The following UNC5C variants were observed in gnomAD, a reference collection of about 807,000 sequenced individuals.
UNC5C encodes the protein unc-5 netrin receptor C, also known as netrin receptor UNC5C.
A neutral mutation model predicts 99.8 loss-of-function variants in UNC5C; 47 were observed. The ratio of observed to expected loss-of-function variants is 0.47; its 90% CI spans 0.37 to 0.60. The LOEUF (loss-of-function observed/expected upper bound fraction) is 0.60, where lower values mean the gene tolerates loss of function less well. Among genes scored for constraint, UNC5C ranks in the 20% least tolerant of loss-of-function variants. The pLI, the probability that UNC5C is intolerant of heterozygous loss-of-function variation, is 0.00. For synonymous variants in UNC5C, 487 were observed against 452.2 expected (o/e 1.08, Z -0.98); for missense variants, 1,062 against 1,165.9 (o/e 0.91, Z 1.30).
chr4:95,196,494 T>C (rs1223036243), intron 12 of UNC5C, among the ~76,000 whole-genome samples: 1 of 151,956 alleles, frequency 6.6e-6, no homozygotes, highest in Non-Finnish European at 1.5e-5. Context: ...CCTTGACTTT[T>C]GCTCTGGTAG....
chr4:95,238,395 G>A (rs915052941), intron 7 of UNC5C, among the ~76,000 whole-genome samples: 3 of 152,114 alleles, frequency 2.0e-5, no homozygotes, highest in Non-Finnish European at 4.4e-5. Flanking sequence ...AATCAAGGAA[G>A]TCTAATGTAA....
At chr4:95,505,781 CAGG>C (rs1320920024) in intron 1 of UNC5C, among the ~76,000 whole-genome samples, 2 of 151,914 alleles carry the variant, frequency 1.3e-5, no homozygotes, top group African/African-American at 4.8e-5. Context: ...TTTTTAAATA[CAGG>C]AGATGTTGAA....
At chr4:95,338,745 G>A (rs565683946) in intron 1 of UNC5C, among the ~76,000 whole-genome samples, 6 of 152,108 alleles carry the variant, frequency 3.9e-5, no homozygotes, top group Non-Finnish European at 7.4e-5. Flanking sequence ...TATACTAATG[G>A]CAACTTTGAT....
At chr4:95,285,268 GA>G (rs1741193347) in intron 3 of UNC5C, among the ~76,000 whole-genome samples, 1 of 152,074 alleles carries the variant, frequency 6.6e-6, no homozygotes, top group Non-Finnish European at 1.5e-5. Context: ...CTGATATTAT[GA>G]AGCAAGTAAT....
chr4:95,276,890 G>A (rs1330244259), intron 4 of UNC5C, among the ~76,000 whole-genome samples: 1 of 151,974 alleles, frequency 6.6e-6, no homozygotes, highest in African/African-American at 2.4e-5. Flanking sequence ...AATTTCCTTT[G>A]AGTTCTTTGC....
intron 3 of UNC5C, among the ~76,000 whole-genome samples, chr4:95,300,012 A>T (rs1407853092): frequency 6.6e-6 from 1 of 152,212 alleles, no homozygotes; most frequent in Non-Finnish European, 1.5e-5. Context: ...GGAGTCAGAG[A>T]CAAGTATAGA....
intron 2 of UNC5C, among the ~76,000 whole-genome samples, chr4:95,310,026 T>C (rs1048365824): frequency 1.3e-5 from 2 of 152,140 alleles, no homozygotes; most frequent in East Asian, 3.9e-4. Flanking sequence ...AGCCAAGACA[T>C]GGGATTAACC....
chr4:95,283,539 G>A (rs953560560), intron 3 of UNC5C, among the ~76,000 whole-genome samples: 3 of 152,238 alleles, frequency 2.0e-5, no homozygotes, highest in African/African-American at 7.2e-5. Context: ...AGGGAGGGTA[G>A]ATAAGATTTT....
intron 4 of UNC5C, among the ~76,000 whole-genome samples, chr4:95,264,414 A>AT (rs919230786): frequency 6.6e-6 from 1 of 152,118 alleles, no homozygotes; most frequent in Non-Finnish European, 1.5e-5. Flanking sequence ...AGTACTCAAT[A>AT]TTTTTGTAAT....
At position 95,199,297 on chromosome 4, in the gene UNC5C, C is replaced by T. The variant is rs116438955; in HGVS notation, c.2136+3434G>A. ...ATCAGCCCCAAATTTCCAATTCAAG[C>T]GTGGGTGTGAGGAAGAGATGGCGTG... On this transcript the variant is annotated intron_variant, in intron 12 of 15. Coordinates refer to ENST00000453304, the MANE Select transcript of UNC5C (RefSeq NM_003728.4). Among the ~76,000 whole-genome samples, 622 of 152,144 alleles carry T rather than the reference C, an allele frequency of 4.1e-3. 2 individuals carry two copies. Among genetic ancestry groups the T allele is most frequent in the Non-Finnish European group, 7.0e-3 (475 of 68,012 alleles).
At chr4:95,339,590 T>G (rs2149423041) in intron 1 of UNC5C, among the ~76,000 whole-genome samples, 1 of 152,194 alleles carries the variant, frequency 6.6e-6, no homozygotes, top group African/African-American at 2.4e-5. Flanking sequence ...TATTTTTTAA[T>G]ATAAATATCT....
chr4:95,493,981 G>T (rs1169287135), intron 1 of UNC5C, among the ~76,000 whole-genome samples: 1 of 151,284 alleles, frequency 6.6e-6, no homozygotes, highest in African/African-American at 2.4e-5. Context: ...CCAACTATAT[G>T]ATACATTTCA....
At chr4:95,447,878 A>G (rs1747153120) in intron 1 of UNC5C, among the ~76,000 whole-genome samples, 1 of 152,212 alleles carries the variant, frequency 6.6e-6, no homozygotes, top group Non-Finnish European at 1.5e-5. Flanking sequence ...AAAGAATATA[A>G]TAACAGAGGA....
chr4:95,535,209 A>T (rs141443378), intron 1 of UNC5C, among the ~76,000 whole-genome samples: 78 of 152,166 alleles, frequency 5.1e-4, no homozygotes, highest in Non-Finnish European at 9.4e-4. Flanking sequence ...AAAGAGTTTT[A>T]CTGTAAAATC....
chr4:95,169,271 T>C lies in UNC5C; in HGVS notation c.2759A>G (p.Glu920Gly). Residue 920 changes from glutamate (E) to glycine (G), a missense_variant, in exon 16 of 16, where the codon GAA becomes GGA. This residue lies in a region of UNC5C where 810 missense variants were observed against 854.5 expected (regional missense o/e 0.95). Coordinates refer to ENST00000453304, the MANE Select transcript of UNC5C (RefSeq NM_003728.4). ...TTCTGCTGCTAAGGACACCACCGTT[T>C]CATGTCTTCCCATTTCTTCCAAGAC... ...AAVLEEMGRH[E>G]TVVSLAAEGQ... 1.2e-6 allele frequency: 2 copies of C among 1,614,190 alleles called. No individual in the cohort carries two copies. Among genetic ancestry groups the C allele is most frequent in the Non-Finnish European group, 1.7e-6 (2 of 1,180,040 alleles).
chr4:95,429,290 A>AC lies in UNC5C; in HGVS notation c.125-93660_125-93659insG, dbSNP rs1163583247. On this transcript the variant is annotated intron_variant, in intron 1 of 15. Coordinates refer to ENST00000453304, the MANE Select transcript of UNC5C (RefSeq NM_003728.4). ...ATACTTAGTGATTCTTAAAAAAAAA[A>AC]AAAAAAACAAACAAAAAAAACAAGC... 6.0e-3 allele frequency among the ~76,000 whole-genome samples: 615 copies of AC among 102,302 alleles called. 3 individuals carry two copies. Among genetic ancestry groups the AC allele is most frequent in the Admixed American group, 0.029 (226 of 7,710 alleles). The allele number at this position is 102,302 out of a possible 152,430, so 67.1% of individuals were successfully genotyped here.
rs1736768812 is a variant in UNC5C at position 95,184,900 on chromosome 4, A to G, written c.2286+147T>C. 4.3e-6 allele frequency: 4 copies of G among 921,928 alleles called. No homozygotes were observed. The South Asian group carries it at 1.6e-4, about 36-fold the overall frequency. The allele number at this position is 921,928 out of a possible 1,614,324, so 57.1% of individuals were successfully genotyped here. A position where few individuals can be genotyped will look rare whatever the true frequency, so the allele number is the denominator to read the frequency against. On this transcript the variant is annotated intron_variant, in intron 13 of 15. Coordinates refer to ENST00000453304, the MANE Select transcript of UNC5C (RefSeq NM_003728.4). ...CCCTCAAATATGTCTGTGTTTCTCA[A>G]AAATCCTAAATAACCCCAAACTATT...
Position 95,216,184 on chromosome 4 carries a change from G to A in UNC5C, c.1673C>T (p.Ala558Val). 6.2e-7 allele frequency: 1 copy of A among 1,613,424 alleles called. No homozygotes were observed. The highest frequency in any genetic ancestry group is 8.5e-7 in the Non-Finnish European group (1 of 1,179,884). The part of the protein sequence containing the change: ...SGVSLLIPAG[A>V]IPQGRVYEMY... ...TTCGTAGACTCTCCCTTGGGGAATG[G>A]CCCCAGCGGGAATCAGCAAGCTGAC... The change falls in exon 10 of 16, where the codon GCC becomes GTC. Residue 558 changes from alanine (A) to valine (V), a missense_variant. Physicochemically the swap from Ala to Val is moderately conservative, Grantham distance 64. Coordinates refer to ENST00000453304, the MANE Select transcript of UNC5C (RefSeq NM_003728.4).
chr4:95,443,784 A>T (rs1747018499), intron 1 of UNC5C, among the ~76,000 whole-genome samples: 1 of 152,070 alleles, frequency 6.6e-6, no homozygotes, highest in South Asian at 2.1e-4. Flanking sequence ...ATTATTCTTT[A>T]TTGAATTTCT....
Sources: gnomAD v4.1 joint callset for allele counts (sites outside exome capture counted in the v4.1 genomes callset) on GRCh38, gnomAD v4.1.1 for gene constraint, gnomAD v4.1.1 regional missense constraint, MANE v1.5 for transcripts, NCBI Gene and HGNC (gene_info 2026-07-23, HGNC 2026-07-21) for gene names.